HMCN2: variants seen among roughly 807,000 people sequenced by gnomAD.
HMCN2 encodes the protein hemicentin-2.
HMCN2 carries 325 observed loss-of-function variants against 377.5 expected under a neutral mutation model. The ratio of observed to expected loss-of-function variants is 0.86; its 90% confidence interval spans 0.79 to 0.94. The LOEUF is 0.94. Ranked by LOEUF, HMCN2 falls within the 40% of genes least tolerant of loss-of-function variation. HMCN2 has a pLI of 0.00. For missense variants in HMCN2, 4,543 were observed against 4,725.3 expected (o/e 0.96, Z 1.13); for synonymous variants, 2,007 against 2,046.8 (o/e 0.98, Z 0.53).
chr9:130,335,141 C>T (rs1564792031), intron 22 of HMCN2, among the ~76,000 whole-genome samples: 1 of 152,240 alleles, frequency 6.6e-6, no homozygotes, highest in South Asian at 2.1e-4. Context: ...AGTTGAACCT[C>T]GGATCCAGAA....
chr9:130,351,010 C>A lies in HMCN2; in HGVS notation c.4431-413C>A, dbSNP rs1159538866. Among the ~76,000 whole-genome samples the A allele has an allele frequency of 6.6e-6, 1 of 152,180 alleles. No individual in the cohort carries two copies. Among genetic ancestry groups the A allele is most frequent in the East Asian group, 1.9e-4 (1 of 5,192 alleles). On this transcript the variant is annotated intron_variant, in intron 29 of 97. Transcript: ENST00000683500. This position sits in a 1 kb window ranked among gnomAD's most constrained non-coding sequence, Gnocchi z 5.4. Reference sequence around the variant, plus strand: ...CATTCCATCACCCCAAAAGGACACCCTGGACCCATCAGCAGCCAGTCGCTG... The same window carrying A: ...CATTCCATCACCCCAAAAGGACACCATGGACCCATCAGCAGCCAGTCGCTG...
chr9:130,395,445 C>T (rs558717138), intron 71 of HMCN2, 98 bp downstream of exon 71: 2 of 1,083,784 alleles, frequency 1.8e-6, no homozygotes, highest in South Asian at 3.2e-5. Context: ...GTGCCAAGGG[C>T]CCGCTCTGAG....
rs1345302581 is a variant in HMCN2, at chr9:130,361,362, G to A, written c.5951-646G>A. 6.6e-6 allele frequency among the ~76,000 whole-genome samples: 1 copy of A among 152,238 alleles called. No individual in the cohort carries two copies. The highest frequency in any genetic ancestry group is 1.9e-4 in the East Asian group (1 of 5,198). ...TACCTACACTGAGGTCTCTGCCAAG[G>A]CCTGAGGTTATGAAGATCTGGGGAA... is the stretch of plus-strand genomic sequence containing the variant. On this transcript the variant is annotated intron_variant, in intron 38 of 97. Coordinates refer to ENST00000683500, the MANE Select transcript of HMCN2 (RefSeq NM_001291815.2). The surrounding 1 kb of genome is among the most constrained non-coding windows in gnomAD (Gnocchi z 4.8).
At chr9:130,292,798 A>T (rs1167618218) in intron 4 of HMCN2, among the ~76,000 whole-genome samples, 1 of 152,190 alleles carries the variant, frequency 6.6e-6, no homozygotes, top group Non-Finnish European at 1.5e-5. Flanking sequence ...ATAACCCATC[A>T]TCCCAGGCTC....
chr9:130,350,401 A>AAG (rs1839644225), intron 29 of HMCN2, among the ~76,000 whole-genome samples: 1 of 148,676 alleles, frequency 6.7e-6, no homozygotes, highest in South Asian at 2.1e-4. Flanking sequence ...AAAAAAAAAA[A>AAG]AAAGAAATAG....
intron 86 of HMCN2, among the ~76,000 whole-genome samples, chr9:130,421,923 C>T (rs1218419519): frequency 6.6e-6 from 1 of 152,248 alleles, no homozygotes. Flanking sequence ...AGGCTAACTT[C>T]TGTCTCTCGC....
rs1269252874 is a variant in HMCN2 at position 130,396,195 on chromosome 9, C to T, written c.11080C>T (p.Pro3694Ser). Residue 3694 changes from proline to serine, a missense_variant, in exon 73 of 98, where the codon CCT (proline) becomes TCT (serine). Transcript: ENST00000683500. ...GGTGCCCACCATCCGGTCAGGACCA[C>T]CTGCAGTGAACGTCTCAGTGAACCA... The part of the protein sequence containing the change: ...HTVPTIRSGP[P>S]AVNVSVNQTA... The T allele has an allele frequency of 7.8e-7, 1 of 1,282,930 alleles. No individual in the cohort carries two copies. Among genetic ancestry groups the T allele is most frequent in the Non-Finnish European group, 1.0e-6 (1 of 983,374 alleles). The allele number at this position is 1,282,930 out of a possible 1,614,324, so 79.5% of individuals were successfully genotyped here.
In HMCN2 at chr9:130,433,580, A is replaced by C. The variant is rs1844904315; in HGVS notation, c.15127A>C (p.Thr5043Pro). Residue 5043 changes from threonine (T) to proline (P), a missense_variant, in exon 98 of 98, where the codon ACC (threonine) becomes CCC (proline). By Grantham distance (38) the Thr-to-Pro change is conservative. Coordinates refer to ENST00000683500, the MANE Select transcript of HMCN2 (RefSeq NM_001291815.2). ...GCGCGCGGGCCTTGGCGCGGTCTAC[A>C]CCCGTCGCGCGCTCACCCGCGCCGG... ...PLRAGLGAVYTRRALTRAGLY... is the reference protein window; with the variant it reads ...PLRAGLGAVYPRRALTRAGLY... The C allele has an allele frequency of 6.6e-7, 1 of 1,507,324 alleles. No homozygotes were observed. The highest frequency in any genetic ancestry group is 8.8e-7 in the Non-Finnish European group (1 of 1,130,916). 93.4% of individuals were successfully genotyped at this position (1,507,324 alleles called of 1,614,324 possible).
chr9:130,359,715 G>A (rs978948736), intron 37 of HMCN2, among the ~76,000 whole-genome samples: 1 of 152,132 alleles, frequency 6.6e-6, no homozygotes, highest in African/African-American at 2.4e-5. Context: ...TGGTCTGTAG[G>A]GTCCTCCCCT....
intron 4 of HMCN2, among the ~76,000 whole-genome samples, chr9:130,293,303 G>GTTTTTT (rs1588186458): frequency 1.3e-4 from 10 of 77,252 alleles, no homozygotes; most frequent in South Asian, 9.4e-4. Context: ...TTTTTTTTGC[G>GTTTTTT]GTTCTTGTTG....
chr9:130,330,968 A>AACACAC (rs1173053980), intron 22 of HMCN2, among the ~76,000 whole-genome samples: 44,964 of 131,180 alleles, frequency 0.34, 7,856 homozygotes, highest in East Asian at 0.41. Flanking sequence ...TCTCTACTGA[A>AACACAC]ACACACACAC....
chr9:130,279,264 C>G (rs191233084), intron 1 of HMCN2, among the ~76,000 whole-genome samples: 1 of 152,148 alleles, frequency 6.6e-6, no homozygotes. Context: ...GATCTTCCCC[C>G]CTGACATGGA....
intron 3 of HMCN2, 101 bp from the exon 4 acceptor site, chr9:130,286,087 G>A (rs1242655744): frequency 7.0e-6 from 3 of 426,702 alleles, no homozygotes; most frequent in South Asian, 3.5e-5. Context: ...ACAGAGGAGA[G>A]GGCCCACTCC....
chr9:130,372,988 G>GCTC (rs1841112485), intron 47 of HMCN2, 50 bp from the exon 48 acceptor site: 1 of 124,062 alleles, frequency 8.1e-6, no homozygotes. Context: ...GGGCGGGCCA[G>GCTC]CCCCCCCCCC....
rs868708906 is a variant in HMCN2 at position 130,406,012 on chromosome 9, C to T, written c.12397C>T (p.Arg4133Cys). 101 of 1,289,648 alleles carry T rather than the reference C, an allele frequency of 7.8e-5. No homozygotes were observed. The highest frequency in any genetic ancestry group is 9.7e-5 in the Non-Finnish European group (96 of 988,850). 79.9% of individuals were successfully genotyped at this position (1,289,648 alleles called of 1,614,324 possible). Residue 4133 changes from arginine (R) to cysteine (C), a missense_variant, in exon 82 of 98, where the codon CGC (arginine) becomes TGC (cysteine). Physicochemically the swap from Arg to Cys is radical, Grantham distance 180. Transcript: ENST00000683500. ...TGAGAACGCCGTGGGCCGGGCCCGC[C>T]GCCGCGTGCACCTCACCATCCTGGT... Reference protein sequence around the residue: ...TAENAVGRARRRVHLTILVLP... With the variant: ...TAENAVGRARCRVHLTILVLP...
intron 37 of HMCN2, among the ~76,000 whole-genome samples, chr9:130,359,749 G>C (rs369127886): frequency 6.6e-6 from 1 of 152,190 alleles, no homozygotes; most frequent in Non-Finnish European, 1.5e-5. Context: ...GGAGGAAAGG[G>C]CCGGGAGCTG....
Position 130,365,958 on chromosome 9 carries a change from G to C in HMCN2, c.6588G>C (p.Arg2196=). 1 of 985,846 alleles carries C rather than the reference G, an allele frequency of 1.0e-6. No homozygotes were observed. Among genetic ancestry groups the C allele is most frequent in the Non-Finnish European group, 1.2e-6 (1 of 829,940 alleles). 61.1% of individuals were successfully genotyped at this position (985,846 alleles called of 1,614,324 possible). ...GHPTRLSCEC[R]GVPFPKISWR... ...CTACCAGGCTGTCCTGCGAATGCCG[G>C]GGTGTCCCCTTCCCCAAGATCTCCT... The change falls in exon 43 of 98, where the codon CGG becomes CGC. Residue 2196 remains arginine (R), a synonymous_variant. Coordinates refer to ENST00000683500, the MANE Select transcript of HMCN2 (RefSeq NM_001291815.2).
At position 130,428,495 on chromosome 9, in the gene HMCN2, G is replaced by T; in HGVS notation, c.14197+6G>T. 1 of 1,539,034 alleles carries T rather than the reference G, an allele frequency of 6.5e-7. No homozygotes were observed. On this transcript the variant is annotated splice_donor_region_variant and intron_variant, in intron 93 of 97. Coordinates refer to ENST00000683500, the MANE Select transcript of HMCN2 (RefSeq NM_001291815.2). This position sits in a 1 kb window ranked among gnomAD's most constrained non-coding sequence, Gnocchi z 5.0. ...TGATGGGGCCGGCTGTGAAGGTGAT[G>T]GGGGCACAGCATGCGGCCTGTCCAT...
intron 4 of HMCN2, among the ~76,000 whole-genome samples, chr9:130,292,991 T>TA (rs1564753862): frequency 6.8e-6 from 1 of 146,470 alleles, no homozygotes; most frequent in Non-Finnish European, 1.5e-5. Flanking sequence ...TCTATCTATC[T>TA]ATCTATCTAC....
Sources: gnomAD v4.1 joint callset for allele counts (sites outside exome capture counted in the v4.1 genomes callset) on GRCh38, gnomAD v4.1.1 for gene constraint, Gnocchi (gnomAD v3.1) non-coding constraint, MANE v1.5 for transcripts, NCBI Gene and HGNC (gene_info 2026-07-23, HGNC 2026-07-21) for gene names.